Variants in GTF2IRD2B observed in about 807,000 individuals in gnomAD.
GTF2IRD2B encodes the protein GTF2I repeat domain containing 2B.
GTF2IRD2B carries 10 observed loss-of-function variants against 55.6 expected under a neutral mutation model. That is an observed-to-expected ratio of 0.18 (90% CI 0.11 to 0.31). GTF2IRD2B has a LOEUF of 0.31. Ranked by LOEUF, GTF2IRD2B falls within the 10% of genes least tolerant of loss-of-function variation. The probability of loss-of-function intolerance (pLI) is 1.00; values close to 1 mark genes in which losing one functional copy is unlikely to be tolerated. For missense variants in GTF2IRD2B, 206 were observed against 802.7 expected (o/e 0.26, Z 8.98); for synonymous variants, 107 against 320.5 (o/e 0.33, Z 7.12).
At chr7:75,105,106 G>T (rs1807739000) in intron 1 of GTF2IRD2B, among the ~76,000 whole-genome samples, 1 of 152,296 alleles carries the variant, frequency 6.6e-6, no homozygotes, top group African/African-American at 2.4e-5. Context: ...TGAAATGGGA[G>T]GATCAACTGA....
intron 1 of GTF2IRD2B, among the ~76,000 whole-genome samples, chr7:75,103,626 C>T (rs1554449790): frequency 6.6e-6 from 1 of 151,742 alleles, no homozygotes; most frequent in African/African-American, 2.4e-5. Flanking sequence ...CTGATGTGAC[C>T]CGGATGCACC....
At chr7:75,140,699 A>C (rs1351768008) in intron 12 of GTF2IRD2B, among the ~76,000 whole-genome samples, 2 of 152,214 alleles carry the variant, frequency 1.3e-5, no homozygotes, top group Non-Finnish European at 2.9e-5. Context: ...TGCCCGGCTA[A>C]ATTTTTGTAT....
intron 8 of GTF2IRD2B, among the ~76,000 whole-genome samples, chr7:75,130,134 T>TTTCC (rs1808623656): frequency 1.1e-5 from 1 of 90,762 alleles, no homozygotes; most frequent in South Asian, 3.8e-4. Flanking sequence ...TCTTTCTTTC[T>TTTCC]TTCTTTCTTT....
chr7:75,148,337 G>T lies in GTF2IRD2B; in HGVS notation c.1890G>T (p.Gly630=). ...GTPAMVDANN[G]LVTKLKSRVA... is the part of the protein sequence containing the mutation. ...CAGCGATGGTGGATGCCAATAACGG[G>T]CTTGTCACAAAACTGAAGTCCAGGG... The change falls in exon 16 of 16, where the codon GGG becomes GGT. Residue 630 remains glycine (G), a synonymous_variant. Transcript: ENST00000472837. The T allele has an allele frequency of 6.2e-7, 1 of 1,613,472 alleles. No homozygotes were observed. The highest frequency in any genetic ancestry group is 8.5e-7 in the Non-Finnish European group (1 of 1,179,794).
chr7:75,103,013 C>T (rs1807630324), intron 1 of GTF2IRD2B, among the ~76,000 whole-genome samples: 1 of 148,542 alleles, frequency 6.7e-6, no homozygotes, highest in South Asian at 2.1e-4. Context: ...CATGGTGGCT[C>T]ACGCCTGTAG....
intron 1 of GTF2IRD2B, among the ~76,000 whole-genome samples, chr7:75,102,510 A>C (rs1264247838): frequency 6.6e-6 from 1 of 151,538 alleles, no homozygotes; most frequent in African/African-American, 2.4e-5. Context: ...CATAGGAAGT[A>C]GTTGATTGAG....
In GTF2IRD2B at chr7:75,148,235, T is replaced by C; in HGVS notation, c.1788T>C (p.Phe596=). Reference sequence around the variant, plus strand: ...GTACAAAATCTGGCAACGAGATCTTTTTGCGTGTTGAGAAGAGCCTGAAAA... The same window carrying C: ...GTACAAAATCTGGCAACGAGATCTTCTTGCGTGTTGAGAAGAGCCTGAAAA... ...MTGTKSGNEI[F]LRVEKSLKKF... is the part of the protein sequence containing the mutation. The change falls in exon 16 of 16, where the codon TTT becomes TTC. Residue 596 remains phenylalanine, a synonymous_variant. Coordinates refer to ENST00000472837, the MANE Select transcript of GTF2IRD2B (RefSeq NM_001003795.3). 2 of 1,613,864 alleles carry C rather than the reference T, an allele frequency of 1.2e-6. No individual in the cohort carries two copies. The highest frequency in any genetic ancestry group is 1.7e-6 in the Non-Finnish European group (2 of 1,179,866).
intron 3 of GTF2IRD2B, 57 bp downstream of exon 3, chr7:75,112,592 A>G: frequency 1.2e-6 from 1 of 840,518 alleles, no homozygotes. Flanking sequence ...CGCAGGCAAG[A>G]CTTCCACAGT....
At chr7:75,120,124 G>A (rs1340455139) in intron 3 of GTF2IRD2B, among the ~76,000 whole-genome samples, 1 of 114,296 alleles carries the variant, frequency 8.7e-6, no homozygotes, top group Non-Finnish European at 1.7e-5. Flanking sequence ...GCGAGACTCT[G>A]TCTCAAAAAA....
chr7:75,105,671 G>A (rs1349305580), intron 1 of GTF2IRD2B, among the ~76,000 whole-genome samples: 6 of 152,302 alleles, frequency 3.9e-5, no homozygotes, highest in African/African-American at 1.4e-4. Flanking sequence ...ATAACTCTAA[G>A]GGATCCTCGA....
At chr7:75,145,828 C>G (rs1337752665) in intron 15 of GTF2IRD2B, among the ~76,000 whole-genome samples, 1 of 125,150 alleles carries the variant, frequency 8.0e-6, no homozygotes, top group Non-Finnish European at 1.7e-5. Context: ...ATTTTTTGAT[C>G]TTTTATAATA....
chr7:75,096,735 C>T (rs1461000735), intron 1 of GTF2IRD2B, among the ~76,000 whole-genome samples: 2 of 150,952 alleles, frequency 1.3e-5, no homozygotes, highest in African/African-American at 2.5e-5. Flanking sequence ...TACTAGTATA[C>T]ATTTTTACAT....
rs373604815 is a variant in GTF2IRD2B, at chr7:75,120,860, A to G, written c.239-31A>G. 77 of 1,605,872 alleles carry G rather than the reference A, an allele frequency of 4.8e-5. No homozygotes were observed. The Middle Eastern group carries it at 5.0e-4, about 10-fold the overall frequency. On this transcript the variant is annotated intron_variant, in intron 3 of 15. Coordinates refer to ENST00000472837, the MANE Select transcript of GTF2IRD2B (RefSeq NM_001003795.3). The stretch of plus-strand genomic sequence containing the variant: ...GAAGTGTACAGCACAAATGCTTAGA[A>G]ACTGACCTAATGCCAATCATCCATT...
At chr7:75,103,355 C>T (rs1422596606) in intron 1 of GTF2IRD2B, among the ~76,000 whole-genome samples, 1 of 151,280 alleles carries the variant, frequency 6.6e-6, no homozygotes. Context: ...CTGAGTACAG[C>T]CCGTGGTTCT....
chr7:75,113,786 G>A (rs1808045245), intron 3 of GTF2IRD2B, among the ~76,000 whole-genome samples: 1 of 119,298 alleles, frequency 8.4e-6, no homozygotes, highest in African/African-American at 3.6e-5. Context: ...ATAAGGGTGT[G>A]TGTGTGTGTG....
chr7:75,105,213 A>G (rs1328176883), intron 1 of GTF2IRD2B, among the ~76,000 whole-genome samples: 5 of 152,374 alleles, frequency 3.3e-5, no homozygotes, highest in African/African-American at 9.6e-5. Flanking sequence ...AAACAAAAAA[A>G]AAACAACAGA....
chr7:75,110,635 AAT>A (rs1208742817), intron 2 of GTF2IRD2B, among the ~76,000 whole-genome samples: 5,949 of 32,346 alleles, frequency 0.18, 432 homozygotes, highest in East Asian at 0.55. Flanking sequence ...AAAAAAAAAA[AAT>A]AAGTTGGAAT....
At chr7:75,112,680 A>G (rs1808013737) in intron 3 of GTF2IRD2B, 145 bp downstream of exon 3, 2 of 1,593,894 alleles carry the variant, frequency 1.3e-6, no homozygotes, top group East Asian at 4.6e-5. Flanking sequence ...TACCAAATAA[A>G]TACTGCCTAA....
chr7:75,116,644 T>TC (rs1264083457), intron 3 of GTF2IRD2B, among the ~76,000 whole-genome samples: 4 of 145,704 alleles, frequency 2.7e-5, no homozygotes, highest in Non-Finnish European at 6.1e-5. Context: ...CCATTTCTTT[T>TC]TTTTTTTTTT....
Sources: allele counts gnomAD v4.1 joint callset (sites outside exome capture counted in the v4.1 genomes callset), GRCh38; gene constraint gnomAD v4.1.1; transcripts MANE v1.5; gene names NCBI Gene and HGNC (gene_info 2026-07-23, HGNC 2026-07-21).